DYNC1I2: variants seen among roughly 807,000 people sequenced by gnomAD.
The protein encoded by DYNC1I2 is cytoplasmic dynein 1 intermediate chain 2.
In DYNC1I2, 53 loss-of-function variants were observed where a neutral mutation model predicts 88.6. The ratio of observed to expected loss-of-function variants is 0.60; its 90% CI spans 0.48 to 0.75. The LOEUF (loss-of-function observed/expected upper bound fraction) is 0.75, where lower values mean the gene tolerates loss of function less well. DYNC1I2 is among the 30% of genes least tolerant of loss of function. DYNC1I2 has a pLI of 0.00. For missense variants in DYNC1I2, 458 were observed against 766.6 expected (o/e 0.60, Z 4.75); for synonymous variants, 198 against 254.6 (o/e 0.78, Z 2.12).
chr2:171,697,976 A>C (rs935423974), intron 3 of DYNC1I2, among the ~76,000 whole-genome samples: 1 of 152,224 alleles, frequency 6.6e-6, no homozygotes, highest in Admixed American at 6.5e-5. Context: ...TTAGTAGCAC[A>C]TCTCTGGCTA....
At chr2:171,742,303 G>T (rs1411919516) in intron 15 of DYNC1I2, among the ~76,000 whole-genome samples, 1 of 151,962 alleles carries the variant, frequency 6.6e-6, no homozygotes, top group Non-Finnish European at 1.5e-5. Context: ...CCCCAGGGTG[G>T]CTGAGACTAT....
intron 3 of DYNC1I2, among the ~76,000 whole-genome samples, chr2:171,699,933 T>G (rs1686115807): frequency 6.6e-6 from 1 of 152,110 alleles, no homozygotes; most frequent in African/African-American, 2.4e-5. Context: ...GGTTATAGTC[T>G]CTTCAGATTT....
intron 3 of DYNC1I2, among the ~76,000 whole-genome samples, chr2:171,699,591 AGTGTGTGTGTGTGTGTGTGTGT>A (rs3223500): frequency 7.3e-6 from 1 of 137,734 alleles, no homozygotes; most frequent in African/African-American, 2.8e-5. Flanking sequence ...CATCATTTGG[AGTGTGTGTGTGTGTGTGTGTGT>A]GTGTGTGTGT....
intron 1 of DYNC1I2, among the ~76,000 whole-genome samples, chr2:171,689,358 A>G (rs915238340): frequency 6.6e-6 from 1 of 152,210 alleles, no homozygotes; most frequent in African/African-American, 2.4e-5. Context: ...GTTTTGCTTT[A>G]GTATTACTAC....
rs1689924620 is a variant in DYNC1I2 at position 171,748,136 on chromosome 2, T to C, written c.*247T>C. ...AGCAGCTTTTTTGAATTCTAATACATAGGTGTATATTTGGTATTAGTTATT... is the reference window on the plus strand; with the variant it reads ...AGCAGCTTTTTTGAATTCTAATACACAGGTGTATATTTGGTATTAGTTATT... On this transcript the variant is annotated 3_prime_UTR_variant, in exon 18 of 18. Coordinates refer to ENST00000397119, the MANE Select transcript of DYNC1I2 (RefSeq NM_001378.3). 4 of 411,952 alleles carry C rather than the reference T, an allele frequency of 9.7e-6. No homozygotes were observed. The highest frequency in any genetic ancestry group is 1.7e-5 in the Non-Finnish European group (4 of 231,244). 25.5% of individuals were successfully genotyped at this position (411,952 alleles called of 1,614,324 possible). A position where few individuals can be genotyped will look rare whatever the true frequency, so the allele number is the denominator to read the frequency against.
At chr2:171,741,462 A>G (rs912056439) in intron 15 of DYNC1I2, among the ~76,000 whole-genome samples, 1 of 152,150 alleles carries the variant, frequency 6.6e-6, no homozygotes, top group Non-Finnish European at 1.5e-5. Context: ...TAGCTATCCT[A>G]GTGGTATGAA....
intron 15 of DYNC1I2, among the ~76,000 whole-genome samples, chr2:171,738,977 C>T (rs1689203259): frequency 6.6e-6 from 1 of 151,892 alleles, no homozygotes; most frequent in African/African-American, 2.4e-5. Context: ...GGTGAAACCC[C>T]ATCTCTACTA....
intron 3 of DYNC1I2, among the ~76,000 whole-genome samples, chr2:171,704,844 A>G (rs573222804): frequency 1.3e-5 from 2 of 152,326 alleles, no homozygotes; most frequent in South Asian, 4.1e-4. Context: ...TGTAGCAGTT[A>G]CCAAATAACA....
chr2:171,729,312 G>C (rs1014932427), intron 14 of DYNC1I2, among the ~76,000 whole-genome samples: 2 of 152,016 alleles, frequency 1.3e-5, no homozygotes, highest in African/African-American at 4.8e-5. Context: ...TTGTCTAGCT[G>C]TACCTTATTG....
chr2:171,728,972 T>A, intron 14 of DYNC1I2, 122 bp downstream of exon 14: 7 of 1,090,742 alleles, frequency 6.4e-6, no homozygotes, highest in Non-Finnish European at 9.0e-6. Flanking sequence ...AGATTTTTTG[T>A]GTTCAGGCAC....
intron 1 of DYNC1I2, chr2:171,688,337 A>T (rs1217466592): frequency 1.3e-5 from 2 of 152,202 alleles, no homozygotes; most frequent in Non-Finnish European, 2.9e-5. Flanking sequence ...CATGTCGGTC[A>T]TGGAGGAAGG....
chr2:171,709,926 A>C (rs1686978929), intron 5 of DYNC1I2, among the ~76,000 whole-genome samples: 1 of 152,154 alleles, frequency 6.6e-6, no homozygotes, highest in African/African-American at 2.4e-5. Flanking sequence ...CATGTTGGCC[A>C]GGCTGGTCTC....
intron 2 of DYNC1I2, among the ~76,000 whole-genome samples, chr2:171,690,946 A>G (rs1384721613): frequency 1.3e-5 from 2 of 152,112 alleles, no homozygotes; most frequent in Admixed American, 1.3e-4. Flanking sequence ...ACGAGCCACC[A>G]CACTCAGTCA....
At chr2:171,739,626 T>G (rs910391214) in intron 15 of DYNC1I2, among the ~76,000 whole-genome samples, 1 of 152,016 alleles carries the variant, frequency 6.6e-6, no homozygotes, top group Admixed American at 6.6e-5. Flanking sequence ...TGTTCAATTT[T>G]TTTTTTCTTT....
In DYNC1I2 at chr2:171,693,554, G is replaced by A. The variant is rs1685543694; in HGVS notation, c.226+660G>A. Among the ~76,000 whole-genome samples, 3 of 152,260 alleles carry A rather than the reference G, an allele frequency of 2.0e-5. No individual in the cohort carries two copies. The South Asian group carries it at 6.2e-4, about 32-fold the overall frequency. On this transcript the variant is annotated intron_variant, in intron 3 of 17. Transcript: ENST00000397119. ...CTGGGTGCTATTATGTAGTATTTTA[G>A]TTTAACATGGCCTTTATCCTTTAGA...
At chr2:171,737,573 A>G (rs1159933425) in intron 15 of DYNC1I2, among the ~76,000 whole-genome samples, 12 of 152,264 alleles carry the variant, frequency 7.9e-5, no homozygotes, top group African/African-American at 2.9e-4. Flanking sequence ...ATGTGCCACC[A>G]TGCCCAATTA....
chr2:171,707,186 T>C (rs1029812523), intron 4 of DYNC1I2, 101 bp from the exon 5 acceptor site: 5 of 1,555,416 alleles, frequency 3.2e-6, no homozygotes, highest in Non-Finnish European at 4.4e-6. Context: ...ATTGTTTTTT[T>C]CTTTTTTGTT....
chr2:171,705,675 A>G (rs1360627843), intron 3 of DYNC1I2, among the ~76,000 whole-genome samples: 2 of 152,066 alleles, frequency 1.3e-5, no homozygotes, highest in Non-Finnish European at 2.9e-5. Context: ...AATGTAACCT[A>G]AGATAAATTA....
At chr2:171,699,205 G>T (rs1686017458) in intron 3 of DYNC1I2, among the ~76,000 whole-genome samples, 2 of 152,172 alleles carry the variant, frequency 1.3e-5, no homozygotes, top group South Asian at 4.1e-4. Context: ...TACTCTGGAG[G>T]GTGAGGCAGG....
Sources: allele counts gnomAD v4.1 joint callset (sites outside exome capture counted in the v4.1 genomes callset), GRCh38; gene constraint gnomAD v4.1.1; transcripts MANE v1.5; gene names NCBI Gene and HGNC (gene_info 2026-07-23, HGNC 2026-07-21).